The following FGF10 variants were observed in gnomAD, a reference collection of about 807,000 sequenced individuals.
FGF10 encodes the protein FGF-10.
FGF10 carries 2 observed loss-of-function variants against 19.8 expected under a neutral mutation model. The observed-to-expected ratio is 0.10, with a 90% CI of 0.04 to 0.32. The LOEUF is 0.32. Among genes scored for constraint, FGF10 ranks in the 10% least tolerant of loss-of-function variants. The probability of loss-of-function intolerance (pLI) is 1.00; values close to 1 mark genes in which losing one functional copy is unlikely to be tolerated. For synonymous variants in FGF10, 112 were observed against 94.0 expected (o/e 1.19, Z -1.10); for missense variants, 191 against 246.3 (o/e 0.78, Z 1.50).
chr5:44,361,288 T>C (rs564468151), intron 1 of FGF10, among the ~76,000 whole-genome samples: 2 of 151,798 alleles, frequency 1.3e-5, no homozygotes, highest in South Asian at 4.1e-4. Context: ...TCAAACATTT[T>C]TAAGCTGGAG....
rs1740007074 is a variant in FGF10, at chr5:44,303,567, A to C, written c.*1428T>G. ...AAGGCTTATGTATTTATTTAGTGGA[A>C]TACAATGTGATGATGATTGGTAAAC... On this transcript the variant is annotated 3_prime_UTR_variant, in exon 3 of 3. Coordinates refer to ENST00000264664, the MANE Select transcript of FGF10 (RefSeq NM_004465.2). The C allele has an allele frequency of 6.6e-6, 1 of 152,182 alleles. No homozygotes were observed. The highest frequency in any genetic ancestry group is 1.5e-5 in the Non-Finnish European group (1 of 68,026). The allele number at this position is 152,182 out of a possible 1,614,324, so 9.4% of individuals were successfully genotyped here. A position where few individuals can be genotyped will look rare whatever the true frequency, so the allele number is the denominator to read the frequency against.
chr5:44,356,870 C>T (rs1007410272), intron 1 of FGF10, among the ~76,000 whole-genome samples: 2 of 150,992 alleles, frequency 1.3e-5, no homozygotes, highest in African/African-American at 4.9e-5. Context: ...GCAGTATTAC[C>T]CAACTGCCAT....
At chr5:44,335,726 A>G (rs917752250) in intron 1 of FGF10, among the ~76,000 whole-genome samples, 1 of 152,074 alleles carries the variant, frequency 6.6e-6, no homozygotes, top group Admixed American at 6.6e-5. Context: ...ACTGCTTTCC[A>G]CTTTATTGAC....
intron 1 of FGF10, among the ~76,000 whole-genome samples, chr5:44,346,313 T>G (rs1263741369): frequency 6.6e-6 from 1 of 151,732 alleles, no homozygotes; most frequent in African/African-American, 2.4e-5. Context: ...TTTCCTTCAT[T>G]TTTCCCAGTC....
rs1739993430 is a variant in FGF10 at position 44,302,776 on chromosome 5, T to A, written c.*2219A>T. 6.7e-6 allele frequency among the ~76,000 whole-genome samples: 1 copy of A among 149,316 alleles called. No individual in the cohort carries two copies. Among genetic ancestry groups the A allele is most frequent in the Non-Finnish European group, 1.5e-5 (1 of 66,050 alleles). On this transcript the variant is annotated 3_prime_UTR_variant, in exon 3 of 3. Transcript: ENST00000264664. Reference sequence around the variant, plus strand: ...CTAGAAGCTGTTTTAGTGTCTTGAGTACTATAATGATGACTGTTTACACAT... The same window carrying A: ...CTAGAAGCTGTTTTAGTGTCTTGAGAACTATAATGATGACTGTTTACACAT...
intron 1 of FGF10, among the ~76,000 whole-genome samples, chr5:44,319,762 CAATT>C (rs1194460283): frequency 6.6e-6 from 1 of 152,094 alleles, no homozygotes; most frequent in African/African-American, 2.4e-5. Context: ...TGCAGAAAGA[CAATT>C]TATCTATTTA....
At chr5:44,326,107 T>C (rs777139374) in intron 1 of FGF10, among the ~76,000 whole-genome samples, 1 of 152,158 alleles carries the variant, frequency 6.6e-6, no homozygotes, top group Non-Finnish European at 1.5e-5. Context: ...CTTAAAAAGC[T>C]TGAGAAACTT....
At chr5:44,358,860 T>C (rs931470590) in intron 1 of FGF10, among the ~76,000 whole-genome samples, 3 of 151,548 alleles carry the variant, frequency 2.0e-5, no homozygotes, top group African/African-American at 4.8e-5. Context: ...GTACATTGTA[T>C]CTAAAATTGA....
chr5:44,325,620 C>A (rs886472709), intron 1 of FGF10, among the ~76,000 whole-genome samples: 2 of 151,150 alleles, frequency 1.3e-5, no homozygotes, highest in African/African-American at 4.9e-5. Context: ...TCATTCTCAG[C>A]AAACTATCAC....
chr5:44,317,646 G>A (rs544236271), intron 1 of FGF10, among the ~76,000 whole-genome samples: 27 of 152,212 alleles, frequency 1.8e-4, no homozygotes, highest in Non-Finnish European at 4.0e-4. Context: ...GATCATAAGT[G>A]AACAAATATT....
intron 1 of FGF10, among the ~76,000 whole-genome samples, chr5:44,375,766 AGAGACATTTACT>A (rs1028130488): frequency 3.5e-4 from 54 of 152,218 alleles, no homozygotes; most frequent in African/African-American, 1.2e-3. Flanking sequence ...TGCCAGAACA[AGAGACATTTACT>A]GGGACTGTCC....
At chr5:44,363,145 C>A (rs755900110) in intron 1 of FGF10, among the ~76,000 whole-genome samples, 2 of 151,748 alleles carry the variant, frequency 1.3e-5, no homozygotes, top group Non-Finnish European at 2.9e-5. Flanking sequence ...CTAGGTATTG[C>A]ATGTCATTAA....
At chr5:44,351,292 A>C (rs1351440705) in intron 1 of FGF10, among the ~76,000 whole-genome samples, 1 of 151,568 alleles carries the variant, frequency 6.6e-6, no homozygotes, top group Non-Finnish European at 1.5e-5. Flanking sequence ...TTCTCACCCA[A>C]CAATAAACAG....
intron 1 of FGF10, among the ~76,000 whole-genome samples, chr5:44,352,892 C>T (rs968529502): frequency 6.6e-6 from 1 of 151,536 alleles, no homozygotes; most frequent in African/African-American, 2.4e-5. Flanking sequence ...TTGTTTTTGA[C>T]ACTATTAAAA....
intron 1 of FGF10, among the ~76,000 whole-genome samples, chr5:44,383,877 T>A (rs2111926292): frequency 6.6e-6 from 1 of 152,208 alleles, no homozygotes; most frequent in East Asian, 1.9e-4. Context: ...TCTTGTGTCG[T>A]TATTAGAAGA....
chr5:44,371,673 C>T (rs1034785227), intron 1 of FGF10, among the ~76,000 whole-genome samples: 2 of 152,022 alleles, frequency 1.3e-5, no homozygotes, highest in African/African-American at 4.8e-5. Flanking sequence ...TTTTGTAGTG[C>T]CTAGCAGTCA....
At chr5:44,334,068 C>G (rs1431098511) in intron 1 of FGF10, among the ~76,000 whole-genome samples, 6 of 152,060 alleles carry the variant, frequency 3.9e-5, no homozygotes, top group African/African-American at 1.2e-4. Flanking sequence ...GCTGCTACAA[C>G]TAGGAGGGGC....
intron 1 of FGF10, among the ~76,000 whole-genome samples, chr5:44,369,658 TCAGA>T (rs1465586536): frequency 6.6e-6 from 1 of 152,094 alleles, no homozygotes; most frequent in Non-Finnish European, 1.5e-5. Context: ...ACACACGCAC[TCAGA>T]CACTTACAAG....
rs1267427940 is a variant in FGF10, at chr5:44,303,182, G to GT, written c.*1812dup. Among the ~76,000 whole-genome samples the GT allele has an allele frequency of 1.3e-5, 2 of 152,044 alleles. No individual in the cohort carries two copies. Among genetic ancestry groups the GT allele is most frequent in the Non-Finnish European group, 1.5e-5 (1 of 67,984 alleles). On this transcript the variant is annotated 3_prime_UTR_variant, in exon 3 of 3. Transcript: ENST00000264664. ...TCAAATGTGTTTCTTCTGAAATACA[G>GT]TTTTTTTGAAGAATGGGAAAAATAT...
Sources: gnomAD v4.1 joint callset for allele counts (sites outside exome capture counted in the v4.1 genomes callset) on GRCh38, gnomAD v4.1.1 for gene constraint, MANE v1.5 for transcripts, NCBI Gene and HGNC (gene_info 2026-07-23, HGNC 2026-07-21) for gene names.